The following PIEZO2 variants were observed in gnomAD, a reference collection of about 807,000 sequenced individuals.
The protein encoded by PIEZO2 is piezo-type mechanosensitive ion channel component 2.
Under a neutral mutation model 337.3 loss-of-function variants are expected in PIEZO2, and 172 were observed. The observed-to-expected ratio is 0.51, with a 90% confidence interval of 0.45 to 0.58. The LOEUF (loss-of-function observed/expected upper bound fraction) is 0.58. PIEZO2 is among the 20% of genes least tolerant of loss of function. The probability of loss-of-function intolerance (pLI) is 0.00; values close to 1 mark genes in which losing one functional copy is unlikely to be tolerated. For missense variants in PIEZO2, 3,028 were observed against 3,391.3 expected (o/e 0.89, Z 2.66); for synonymous variants, 1,251 against 1,228.5 (o/e 1.02, Z -0.38).
intron 1 of PIEZO2, among the ~76,000 whole-genome samples, chr18:11,075,730 G>A (rs907842664): frequency 4.6e-5 from 7 of 151,686 alleles, no homozygotes; most frequent in African/African-American, 1.7e-4. Flanking sequence ...GATTCTTTAT[G>A]CACACCAAAA....
rs1322260591 is a variant in PIEZO2, at chr18:10,704,568, G to A, written c.6084C>T (p.Tyr2028=). The stretch of plus-strand genomic sequence containing the variant: ...TCTCCGAGCGGGCCACCAGGGTATT[G>A]TACATGGCATAGAAGAGCAGCAGAA... The part of the protein sequence containing the change: ...PRFLLLFYAM[Y]NTLVARSEMV... Residue 2028 remains tyrosine (Y), a synonymous_variant, in exon 42 of 56, where the codon TAC becomes TAT. Coordinates refer to ENST00000674853, the MANE Select transcript of PIEZO2 (RefSeq NM_001378183.1). 7.2e-6 allele frequency: 11 copies of A among 1,537,174 alleles called. No individual in the cohort carries two copies.
At chr18:11,074,408 T>C (rs8088643) in intron 1 of PIEZO2, among the ~76,000 whole-genome samples, 107,249 of 152,160 alleles carry the variant, frequency 0.7, 38,344 homozygotes, top group East Asian at 0.98. Context: ...TGCTTTAGCA[T>C]TGTAGTTTCC....
intron 51 of PIEZO2, among the ~76,000 whole-genome samples, chr18:10,680,696 TG>T (rs992049538): frequency 1.3e-5 from 2 of 152,152 alleles, no homozygotes; most frequent in Non-Finnish European, 2.9e-5. Flanking sequence ...TTATCACCTA[TG>T]GGGGAACGTC....
At chr18:10,698,812 G>A (rs1363497792) in intron 44 of PIEZO2, 113 bp downstream of exon 44, 1 of 1,316,380 alleles carries the variant, frequency 7.6e-7, no homozygotes, top group Non-Finnish European at 1.0e-6. Context: ...ACATAACAAT[G>A]TCTGTCTCTT....
intron 14 of PIEZO2, 91 bp from the exon 15 acceptor site, chr18:10,789,456 G>A: frequency 7.4e-7 from 1 of 1,355,828 alleles, no homozygotes. Context: ...GTAGAGGCAT[G>A]CATTTTCTAA....
At chr18:10,996,473 T>C (rs2035324190) in intron 2 of PIEZO2, among the ~76,000 whole-genome samples, 1 of 152,174 alleles carries the variant, frequency 6.6e-6, no homozygotes, top group South Asian at 2.1e-4. Context: ...TTGTCGTCAC[T>C]CCAAAAGCAG....
chr18:10,703,449 G>A (rs571992154), intron 42 of PIEZO2, among the ~76,000 whole-genome samples: 1 of 152,256 alleles, frequency 6.6e-6, no homozygotes, highest in Admixed American at 6.5e-5. Context: ...AAATACTTTT[G>A]AGATGCTTTA....
At chr18:11,068,483 G>C (rs1023549148) in intron 1 of PIEZO2, among the ~76,000 whole-genome samples, 9 of 151,952 alleles carry the variant, frequency 5.9e-5, no homozygotes, top group Non-Finnish European at 1.0e-4. Flanking sequence ...AAATACCTTG[G>C]GATTAGCAAA....
intron 42 of PIEZO2, 70 bp from the exon 43 acceptor site, chr18:10,702,241 G>C: frequency 7.2e-7 from 1 of 1,394,550 alleles, no homozygotes; most frequent in Non-Finnish European, 9.5e-7. Context: ...ATATGGGAAA[G>C]AGCAATATAA....
intron 1 of PIEZO2, among the ~76,000 whole-genome samples, chr18:11,081,658 C>G (rs1203412349): frequency 6.6e-6 from 1 of 151,984 alleles, no homozygotes; most frequent in East Asian, 1.9e-4. Flanking sequence ...GGATGCCTAG[C>G]TTGGGGAGCT....
chr18:10,882,090 C>T (rs926485092), intron 4 of PIEZO2, among the ~76,000 whole-genome samples: 5 of 152,092 alleles, frequency 3.3e-5, no homozygotes, highest in African/African-American at 9.7e-5. Flanking sequence ...TTGTTGAGGG[C>T]AATATTTAGG....
In PIEZO2 at chr18:11,055,159, C is replaced by T. The variant is rs1007044787; in HGVS notation, c.160+10968G>A. On this transcript the variant is annotated intron_variant, in intron 2 of 55. Coordinates refer to ENST00000674853, the MANE Select transcript of PIEZO2 (RefSeq NM_001378183.1). Reference sequence around the variant, plus strand: ...CCGGGAGGCAGAGCTTGCAGTGAGCCGAGATCGTGCCACTGCACTCCAGCC... The same window carrying T: ...CCGGGAGGCAGAGCTTGCAGTGAGCTGAGATCGTGCCACTGCACTCCAGCC... Among the ~76,000 whole-genome samples, 7 of 136,160 alleles carry T rather than the reference C, an allele frequency of 5.1e-5. No homozygotes were observed. The South Asian group carries it at 6.9e-4, about 13-fold the overall frequency. The allele number at this position is 136,160 out of a possible 152,430, so 89.3% of individuals were successfully genotyped here. A position where few individuals can be genotyped will look rare whatever the true frequency, so the allele number is the denominator to read the frequency against.
chr18:10,974,735 A>G (rs773317318), intron 3 of PIEZO2, among the ~76,000 whole-genome samples: 1 of 152,184 alleles, frequency 6.6e-6, no homozygotes, highest in African/African-American at 2.4e-5. Flanking sequence ...CCTCAGCACT[A>G]TCTGCAGGTT....
intron 18 of PIEZO2, among the ~76,000 whole-genome samples, chr18:10,779,639 C>A (rs959999473): frequency 2.6e-5 from 4 of 152,170 alleles, no homozygotes; most frequent in African/African-American, 9.7e-5. Context: ...GTTGATCTTT[C>A]AAGTAGAGAT....
At chr18:10,820,796 A>G (rs2040499376) in intron 7 of PIEZO2, among the ~76,000 whole-genome samples, 1 of 152,178 alleles carries the variant, frequency 6.6e-6, no homozygotes, top group African/African-American at 2.4e-5. Context: ...CATCAGCTTT[A>G]TCCTAGTAGG....
intron 1 of PIEZO2, among the ~76,000 whole-genome samples, chr18:11,087,125 G>A (rs2038940563): frequency 6.6e-6 from 1 of 152,180 alleles, no homozygotes; most frequent in Non-Finnish European, 1.5e-5. Context: ...TCCACCCTGT[G>A]AGGACACAGC....
rs2041868203 is a variant in PIEZO2, at chr18:10,861,381, A to ATATTTCTTT, written c.493-4171_493-4170insAAAGAAATA. Among the ~76,000 whole-genome samples, 1 of 152,278 alleles carries ATATTTCTTT rather than the reference A, an allele frequency of 6.6e-6. No individual in the cohort carries two copies. The highest frequency in any genetic ancestry group is 1.5e-5 in the Non-Finnish European group (1 of 68,044). ...CATGTCAAAATCTAAAACTTATTTA[A>ATATTTCTTT]AGATATTTAAGTCCTTTATCTCACC... On this transcript the variant is annotated intron_variant, in intron 5 of 55. Coordinates refer to ENST00000674853, the MANE Select transcript of PIEZO2 (RefSeq NM_001378183.1). The surrounding 1 kb of genome is among the most constrained non-coding windows in gnomAD (Gnocchi z 4.3).
At chr18:10,955,456 A>T (rs926148238) in intron 3 of PIEZO2, among the ~76,000 whole-genome samples, 1 of 152,194 alleles carries the variant, frequency 6.6e-6, no homozygotes, top group African/African-American at 2.4e-5. Context: ...CCACTAGAAT[A>T]AAGTGCTTGT....
chr18:11,136,594 C>T (rs1042867502), intron 1 of PIEZO2, among the ~76,000 whole-genome samples: 5 of 152,354 alleles, frequency 3.3e-5, no homozygotes, highest in African/African-American at 9.6e-5. Context: ...CATGAGCAAG[C>T]TCTAATATTT....
Sources: allele counts gnomAD v4.1 joint callset (sites outside exome capture counted in the v4.1 genomes callset), GRCh38; gene constraint gnomAD v4.1.1; non-coding constraint Gnocchi (gnomAD v3.1); transcripts MANE v1.5; gene names NCBI Gene and HGNC (gene_info 2026-07-23, HGNC 2026-07-21).